The following PRELID2 variants were observed in gnomAD, a reference collection of about 807,000 sequenced individuals.
The protein encoded by PRELID2 is PRELI domain containing 2, also known as PRELI domain-containing protein 2.
A neutral mutation model predicts 28.4 loss-of-function variants in PRELID2; 25 were observed. The ratio of observed to expected loss-of-function variants is 0.88; its 90% confidence interval spans 0.64 to 1.23. The LOEUF (loss-of-function observed/expected upper bound fraction) is 1.23, where lower values mean the gene tolerates loss of function less well. Among genes scored for constraint, PRELID2 ranks in the 50% most tolerant of loss-of-function variants. The probability of loss-of-function intolerance (pLI) is 0.00; values close to 1 mark genes in which losing one functional copy is unlikely to be tolerated. For synonymous variants in PRELID2, 76 were observed against 71.6 expected, an observed-to-expected ratio of 1.06 and a Z score of -0.31; for missense variants, 201 against 214.4, an observed-to-expected ratio of 0.94 and a Z score of 0.39.
At chr5:145,488,875 G>A (rs575668527) in intron 1 of PRELID2, among the ~76,000 whole-genome samples, 1 of 152,198 alleles carries the variant, frequency 6.6e-6, no homozygotes, top group Non-Finnish European at 1.5e-5. Flanking sequence ...TAGGAAACCT[G>A]TTTGTTTTCA....
At chr5:145,641,860 C>T (rs893675553) in intron 1 of PRELID2, among the ~76,000 whole-genome samples, 3 of 152,228 alleles carry the variant, frequency 2.0e-5, no homozygotes, top group Admixed American at 2.0e-4. Context: ...CTTTTTATGG[C>T]TGCATAGTAT....
the PRELID2 span, among the ~76,000 whole-genome samples, chr5:145,256,726 C>T: frequency 2.0e-5 from 3 of 151,766 alleles, no homozygotes; most frequent in African/African-American, 7.3e-5. Context: ...TTTAAAAATT[C>T]TTTAAAGTAG....
chr5:145,717,339 T>C (rs1037141467), intron 1 of PRELID2, among the ~76,000 whole-genome samples: 1 of 152,130 alleles, frequency 6.6e-6, no homozygotes, highest in Non-Finnish European at 1.5e-5. Flanking sequence ...AATTAGACAG[T>C]AGTTATGGCT....
chr5:145,612,994 G>A (rs1384228544), intron 1 of PRELID2, among the ~76,000 whole-genome samples: 1 of 152,136 alleles, frequency 6.6e-6, no homozygotes, highest in South Asian at 2.1e-4. Flanking sequence ...GATCAATCCA[G>A]CAATTGGTAT....
intron 1 of PRELID2, among the ~76,000 whole-genome samples, chr5:145,512,578 C>T (rs755442329): frequency 1.3e-5 from 2 of 152,208 alleles, no homozygotes; most frequent in Non-Finnish European, 2.9e-5. Context: ...CTTAAATGTT[C>T]TTGCCTGCCA....
intron 1 of PRELID2, among the ~76,000 whole-genome samples, chr5:145,547,110 T>G (rs1752794428): frequency 6.6e-6 from 1 of 152,188 alleles, no homozygotes; most frequent in African/African-American, 2.4e-5. Flanking sequence ...AAGAATATAC[T>G]TTTCTTTGCT....
At chr5:145,609,067 A>G (rs936114859) in intron 1 of PRELID2, among the ~76,000 whole-genome samples, 22 of 152,138 alleles carry the variant, frequency 1.4e-4, no homozygotes, top group African/African-American at 5.1e-4. Context: ...AATACTTGCA[A>G]TTATATTATG....
chr5:145,256,997 T>C, the PRELID2 span, among the ~76,000 whole-genome samples: 1 of 152,022 alleles, frequency 6.6e-6, no homozygotes. Context: ...AAAGTTTCTT[T>C]GGCTGAAGGA....
chr5:145,407,468 G>A, the PRELID2 span, among the ~76,000 whole-genome samples: 1 of 152,060 alleles, frequency 6.6e-6, no homozygotes, highest in African/African-American at 2.4e-5. Flanking sequence ...CACCTAAGGA[G>A]AGTCTGAGCT....
downstream of PRELID2, among the ~76,000 whole-genome samples, chr5:145,467,912 TTA>T (rs1044579166): frequency 4.0e-5 from 6 of 151,552 alleles, no homozygotes; most frequent in East Asian, 1.9e-4. Flanking sequence ...GTTTTGTTTT[TTA>T]TATATATATT....
chr5:145,722,065 C>A (rs1756004505), intron 1 of PRELID2, among the ~76,000 whole-genome samples: 1 of 152,096 alleles, frequency 6.6e-6, no homozygotes, highest in African/African-American at 2.4e-5. Context: ...AAACAGCATT[C>A]TCAATAAGAC....
chr5:145,615,637 A>G (rs73311553), intron 1 of PRELID2, among the ~76,000 whole-genome samples: 7,011 of 151,554 alleles, frequency 0.046, 680 homozygotes, highest in African/African-American at 0.16. Context: ...TGAGTCTCTT[A>G]TAGGTGGTAG....
the PRELID2 span, among the ~76,000 whole-genome samples, chr5:145,453,969 G>T: frequency 0.011 from 1,658 of 152,020 alleles, 14 homozygotes; most frequent in Admixed American, 0.022. Context: ...TAATCCTTTG[G>T]GTATATACCC....
At chr5:145,489,669 A>C (rs1392176256) in intron 1 of PRELID2, among the ~76,000 whole-genome samples, 1 of 152,184 alleles carries the variant, frequency 6.6e-6, no homozygotes, top group African/African-American at 2.4e-5. Context: ...CATAATACAA[A>C]ATCACCTGTA....
the PRELID2 span, among the ~76,000 whole-genome samples, chr5:145,435,972 G>A: frequency 2.1e-4 from 32 of 152,244 alleles, no homozygotes; most frequent in Admixed American, 1.2e-3. Flanking sequence ...AAGGGTACAT[G>A]TGCAGGTTTG....
At chr5:145,458,462 TTAG>T in the PRELID2 span, among the ~76,000 whole-genome samples, 1 of 152,156 alleles carries the variant, frequency 6.6e-6, no homozygotes, top group Admixed American at 6.5e-5. Flanking sequence ...GTTATAATAC[TTAG>T]TAGTGGTTTT....
chr5:145,425,296 C>T, the PRELID2 span, among the ~76,000 whole-genome samples: 1 of 152,128 alleles, frequency 6.6e-6, no homozygotes, highest in Admixed American at 6.5e-5. Flanking sequence ...AATCCTTTTA[C>T]ACTGTTGGTG....
intron 1 of PRELID2, among the ~76,000 whole-genome samples, chr5:145,741,217 AAT>A (rs1341939175): frequency 3.6e-5 from 1 of 27,496 alleles, no homozygotes; most frequent in African/African-American, 1.1e-4. Flanking sequence ...ATATATATAA[AAT>A]ATATATATAA....
rs1215049871 is a variant in PRELID2, at chr5:145,596,007, G to A, written n.71-122692C>T. On this transcript the variant is annotated intron_variant and non_coding_transcript_variant, in intron 1 of 2. Coordinates refer to the PRELID2 transcript ENST00000510259. ...TTGGAAGGCTGAGATGGGAGCCCAG[G>A]AGGTGAGCTCAGGAAGTAAAGGCTG... Among the ~76,000 whole-genome samples the A allele has an allele frequency of 2.7e-5, 4 of 150,372 alleles. No individual in the cohort carries two copies. In the Admixed American group the frequency reaches 2.7e-4, roughly 10 times the overall value.
Sources: gnomAD v4.1 joint callset for allele counts (sites outside exome capture counted in the v4.1 genomes callset) on GRCh38, gnomAD v4.1.1 for gene constraint, MANE v1.5 for transcripts, NCBI Gene and HGNC (gene_info 2026-07-23, HGNC 2026-07-21) for gene names.